Variants in RTN1 observed in about 807,000 individuals in gnomAD.
RTN1 encodes the protein reticulon-1.
In RTN1, 25 loss-of-function variants were observed where a neutral mutation model predicts 65.5. The ratio of observed to expected loss-of-function variants is 0.38; its 90% CI spans 0.28 to 0.53. The LOEUF (loss-of-function observed/expected upper bound fraction) is 0.53. Ranked by LOEUF, RTN1 falls within the 20% of genes least tolerant of loss-of-function variation. The probability of loss-of-function intolerance (pLI) is 0.79; values close to 1 mark genes in which losing one functional copy is unlikely to be tolerated. For missense variants in RTN1, 983 were observed against 1,025.4 expected (o/e 0.96, Z 0.57); for synonymous variants, 471 against 447.6 (o/e 1.05, Z -0.66).
Position 59,865,995 on chromosome 14 carries a change from C to T in RTN1, c.241+4395G>A, listed in dbSNP as rs530890845. 5.3e-5 allele frequency among the ~76,000 whole-genome samples: 8 copies of T among 152,250 alleles called. No homozygotes were observed. The East Asian group carries it at 1.5e-3, about 29-fold the overall frequency. On this transcript the variant is annotated intron_variant, in intron 1 of 8. Coordinates refer to ENST00000267484, the MANE Select transcript of RTN1 (RefSeq NM_021136.3). ...TCTTTCACAGTCTGAGCAAGCTGTG[C>T]TCATATTTACTTATCCTGTGTTGAT...
At chr14:59,673,326 T>C (rs1248708457) in intron 3 of RTN1, among the ~76,000 whole-genome samples, 2 of 151,484 alleles carry the variant, frequency 1.3e-5, no homozygotes, top group Admixed American at 6.6e-5. Flanking sequence ...TGGGAGGGAG[T>C]GGTACCCAGT....
intron 2 of RTN1, among the ~76,000 whole-genome samples, chr14:59,738,748 AC>A (rs1219143850): frequency 6.6e-6 from 1 of 152,222 alleles, no homozygotes; most frequent in African/African-American, 2.4e-5. Flanking sequence ...CATGGAGCCA[AC>A]CCAAATGCTC....
In RTN1 at chr14:59,603,262, G is replaced by A. The variant is rs1295996385; in HGVS notation, c.2183-4C>T. The stretch of plus-strand genomic sequence containing the variant: ...AGAGTAAACATTGAAACCACAGCTG[G>A]GATGAAAAACAAATATAGTATTAAA... On this transcript the variant is annotated splice_region_variant and splice_polypyrimidine_tract_variant and intron_variant, in intron 6 of 8. Coordinates refer to ENST00000267484, the MANE Select transcript of RTN1 (RefSeq NM_021136.3). 6.2e-7 allele frequency: 1 copy of A among 1,609,796 alleles called. No individual in the cohort carries two copies. Among genetic ancestry groups the A allele is most frequent in the South Asian group, 1.1e-5 (1 of 90,340 alleles).
At chr14:59,614,318 C>T (rs1422245799) in intron 3 of RTN1, among the ~76,000 whole-genome samples, 1 of 152,170 alleles carries the variant, frequency 6.6e-6, no homozygotes, top group East Asian at 1.9e-4. Flanking sequence ...GGCCCTGCTC[C>T]TCCAAGGGCT....
At chr14:59,797,408 T>C (rs1278059231) in intron 1 of RTN1, among the ~76,000 whole-genome samples, 1 of 152,206 alleles carries the variant, frequency 6.6e-6, no homozygotes, top group Non-Finnish European at 1.5e-5. Context: ...AACCAGTGGA[T>C]TCTGATTCTG....
rs533090066 is a variant in RTN1 at position 59,662,899 on chromosome 14, C to T, written c.1766-55407G>A. 3.1e-4 allele frequency among the ~76,000 whole-genome samples: 47 copies of T among 151,998 alleles called. 1 individual carries two copies. Among genetic ancestry groups the T allele is most frequent in the East Asian group, 5.8e-4 (3 of 5,172 alleles). On this transcript the variant is annotated intron_variant, in intron 3 of 8. Transcript: ENST00000267484. Reference sequence around the variant, plus strand: ...TCAAGCTACCATTGACTTTCTTCACCGAATTAGAAAAAACTACTTTAAAGT... The same window carrying T: ...TCAAGCTACCATTGACTTTCTTCACTGAATTAGAAAAAACTACTTTAAAGT...
chr14:59,819,414 A>ACCCCCCCCCCCCC (rs1566737477), intron 1 of RTN1, among the ~76,000 whole-genome samples: 1 of 31,862 alleles, frequency 3.1e-5, no homozygotes, highest in East Asian at 6.0e-4. Context: ...CACCACCACC[A>ACCCCCCCCCCCCC]CCCCCCCCCC....
At position 59,798,326 on chromosome 14, in the gene RTN1, A is replaced by AT. The variant is rs1886477011; in HGVS notation, c.242-51846_242-51845insA. 5.3e-5 allele frequency among the ~76,000 whole-genome samples: 8 copies of AT among 152,234 alleles called. No homozygotes were observed. In the South Asian group the frequency reaches 1.7e-3, roughly 32 times the overall value. ...AAGTTATATCAGCTTATAACTTAATACAAGTTATATCAGCTTGTATATTAA... is the reference window on the plus strand; with the variant it reads ...AAGTTATATCAGCTTATAACTTAATATCAAGTTATATCAGCTTGTATATTAA... On this transcript the variant is annotated intron_variant, in intron 1 of 8. Coordinates refer to ENST00000267484, the MANE Select transcript of RTN1 (RefSeq NM_021136.3).
intron 3 of RTN1, among the ~76,000 whole-genome samples, chr14:59,648,362 TAAAG>T (rs1219565790): frequency 6.6e-6 from 1 of 152,066 alleles, no homozygotes; most frequent in Admixed American, 6.6e-5. Context: ...GCCATTAAAA[TAAAG>T]AAAGAAGAGC....
intron 1 of RTN1, among the ~76,000 whole-genome samples, chr14:59,824,437 T>C: frequency 6.6e-6 from 1 of 152,252 alleles, no homozygotes; most frequent in East Asian, 1.9e-4. Flanking sequence ...GTGGTTAAAA[T>C]GTGTAGAGGG....
chr14:59,678,209 T>C (rs1883668595), intron 3 of RTN1, among the ~76,000 whole-genome samples: 2 of 152,074 alleles, frequency 1.3e-5, no homozygotes, highest in Non-Finnish European at 2.9e-5. Flanking sequence ...GCAGTGGTGG[T>C]AGGGGTGCGT....
chr14:59,732,943 T>TG (rs1192503059), intron 2 of RTN1, among the ~76,000 whole-genome samples: 1 of 151,524 alleles, frequency 6.6e-6, no homozygotes, highest in African/African-American at 2.4e-5. Flanking sequence ...CCGGTGGGAG[T>TG]GGGGGTCACC....
chr14:59,606,765 T>C (rs1566658405), intron 4 of RTN1, among the ~76,000 whole-genome samples: 1 of 152,210 alleles, frequency 6.6e-6, no homozygotes, highest in Non-Finnish European at 1.5e-5. Context: ...GTTTCCCCAG[T>C]ATAAAAATGT....
At chr14:59,673,401 T>C (rs1883553666) in intron 3 of RTN1, among the ~76,000 whole-genome samples, 1 of 152,240 alleles carries the variant, frequency 6.6e-6, no homozygotes, top group South Asian at 2.1e-4. Flanking sequence ...TTGTTCCTGC[T>C]GCCCACAGCT....
chr14:59,616,115 A>G (rs777164244), intron 3 of RTN1, among the ~76,000 whole-genome samples: 2 of 152,238 alleles, frequency 1.3e-5, no homozygotes, highest in Non-Finnish European at 2.9e-5. Flanking sequence ...TACAAAAATC[A>G]TACAGAAAGC....
chr14:59,807,381 T>G (rs1406017725), intron 1 of RTN1, among the ~76,000 whole-genome samples: 1 of 152,210 alleles, frequency 6.6e-6, no homozygotes, highest in African/African-American at 2.4e-5. Context: ...GTAAAGGAAC[T>G]GCAGAGGAAA....
At chr14:59,806,117 T>A (rs187557251) in intron 1 of RTN1, among the ~76,000 whole-genome samples, 130 of 152,084 alleles carry the variant, frequency 8.5e-4, no homozygotes, top group African/African-American at 3.1e-3. Flanking sequence ...GTGCCTGTAG[T>A]CCCAGCTACT....
chr14:59,679,911 T>G (rs1217034110), intron 3 of RTN1, among the ~76,000 whole-genome samples: 3 of 152,332 alleles, frequency 2.0e-5, no homozygotes, highest in South Asian at 2.1e-4. Context: ...GGGTTTGTTT[T>G]TCTTTTTTAA....
chr14:59,606,254 G>A (rs909546166), intron 4 of RTN1, among the ~76,000 whole-genome samples: 7 of 151,500 alleles, frequency 4.6e-5, no homozygotes, highest in African/African-American at 1.7e-4. Flanking sequence ...TATTTCTAGA[G>A]TGCTTTAAGT....
Sources: allele counts gnomAD v4.1 joint callset (sites outside exome capture counted in the v4.1 genomes callset), GRCh38; gene constraint gnomAD v4.1.1; transcripts MANE v1.5; gene names NCBI Gene and HGNC (gene_info 2026-07-23, HGNC 2026-07-21).